NTRK2: variants seen among roughly 807,000 people sequenced by gnomAD.
NTRK2 encodes BDNF/NT-3 growth factors receptor.
In NTRK2, 13 loss-of-function variants were observed where a neutral mutation model predicts 94.5. That is an observed-to-expected ratio of 0.14 (90% CI 0.09 to 0.22). The LOEUF is 0.22. Ranked by LOEUF, NTRK2 falls within the 10% of genes least tolerant of loss-of-function variation. The probability of loss-of-function intolerance (pLI) is 1.00; values close to 1 mark genes in which losing one functional copy is unlikely to be tolerated. For missense variants in NTRK2, 639 were observed against 1,071.2 expected (o/e 0.60, Z 5.63); for synonymous variants, 372 against 407.4 (o/e 0.91, Z 1.05).
intron 12 of NTRK2, among the ~76,000 whole-genome samples, chr9:84,802,692 G>T (rs943516485): frequency 6.6e-6 from 1 of 152,196 alleles, no homozygotes; most frequent in African/African-American, 2.4e-5. Flanking sequence ...CCTGGGATTG[G>T]CTTTGCACTT....
At chr9:85,004,771 A>G (rs1287882247) in intron 17 of NTRK2, among the ~76,000 whole-genome samples, 7 of 152,210 alleles carry the variant, frequency 4.6e-5, no homozygotes, top group South Asian at 4.1e-4. Flanking sequence ...AGACAGCTCA[A>G]ATTGTTTCAG....
At chr9:84,867,808 G>T (rs7873546) in intron 14 of NTRK2, among the ~76,000 whole-genome samples, 7,043 of 152,194 alleles carry the variant, frequency 0.046, 216 homozygotes, top group African/African-American at 0.092. Flanking sequence ...TTTAAATTTA[G>T]CCTATAGAAA....
intron 11 of NTRK2, among the ~76,000 whole-genome samples, chr9:84,750,414 A>G (rs1307294735): frequency 1.3e-5 from 2 of 152,246 alleles, no homozygotes; most frequent in East Asian, 3.8e-4. Flanking sequence ...AGAAACACAG[A>G]GAAAACCAGA....
chr9:84,967,621 C>T (rs1036932171), intron 17 of NTRK2, among the ~76,000 whole-genome samples: 7 of 152,236 alleles, frequency 4.6e-5, no homozygotes, highest in African/African-American at 1.2e-4. Context: ...GAGAACATGA[C>T]GCTGGGCTCC....
chr9:84,922,351 G>A (rs1013004565), intron 14 of NTRK2, among the ~76,000 whole-genome samples: 1 of 152,136 alleles, frequency 6.6e-6, no homozygotes, highest in Non-Finnish European at 1.5e-5. Context: ...TCTTCCAACC[G>A]CAAACCCTAT....
chr9:84,783,694 A>G (rs2067837514), intron 12 of NTRK2, among the ~76,000 whole-genome samples: 1 of 152,094 alleles, frequency 6.6e-6, no homozygotes, highest in Non-Finnish European at 1.5e-5. Flanking sequence ...TTCCAGGTAG[A>G]AATTTTATGT....
intron 13 of NTRK2, among the ~76,000 whole-genome samples, chr9:84,866,089 G>A (rs1044925582): frequency 2.0e-5 from 3 of 152,202 alleles, no homozygotes; most frequent in Non-Finnish European, 4.4e-5. Context: ...AAGACACCAA[G>A]TTATGACTAT....
chr9:84,987,596 C>T (rs1352480324), intron 17 of NTRK2, among the ~76,000 whole-genome samples: 1 of 152,062 alleles, frequency 6.6e-6, no homozygotes, highest in African/African-American at 2.4e-5. Flanking sequence ...TCAGTGACAC[C>T]AAGTTGAACA....
chr9:84,850,126 A>C (rs988061635), intron 12 of NTRK2, among the ~76,000 whole-genome samples: 5 of 152,198 alleles, frequency 3.3e-5, no homozygotes, highest in Non-Finnish European at 5.9e-5. Flanking sequence ...GCTTCATGAT[A>C]AGAGTAACTT....
chr9:84,694,084 A>C (rs1188047897), intron 2 of NTRK2, among the ~76,000 whole-genome samples: 3 of 152,206 alleles, frequency 2.0e-5, no homozygotes, highest in African/African-American at 7.2e-5. Flanking sequence ...TTTATCGTGA[A>C]GGTGCTGGAT....
chr9:84,973,985 C>T (rs373668355), intron 17 of NTRK2, among the ~76,000 whole-genome samples: 335 of 71,692 alleles, frequency 4.7e-3, no homozygotes, highest in African/African-American at 0.02. Context: ...TGTTTAACCC[C>T]CATGAATCAT....
chr9:84,899,096 T>C (rs1376888815), intron 14 of NTRK2, among the ~76,000 whole-genome samples: 1 of 152,210 alleles, frequency 6.6e-6, no homozygotes, highest in Non-Finnish European at 1.5e-5. Context: ...CACTGAAATA[T>C]GGGAGCTGAG....
intron 14 of NTRK2, chr9:84,872,097 A>G (rs976357922): frequency 7.5e-7 from 1 of 1,332,656 alleles, no homozygotes; most frequent in Non-Finnish European, 9.7e-7. Flanking sequence ...TGAGGAGCTC[A>G]GCAACATCAA....
At chr9:84,742,061 T>G in intron 10 of NTRK2, 134 bp downstream of exon 10, 1 of 776,138 alleles carries the variant, frequency 1.3e-6, no homozygotes, top group Admixed American at 2.4e-5. Flanking sequence ...AAAATAGTAT[T>G]TCAAAAAATC....
At chr9:84,847,624 C>T (rs1190718438) in intron 12 of NTRK2, among the ~76,000 whole-genome samples, 1 of 152,280 alleles carries the variant, frequency 6.6e-6, no homozygotes, top group East Asian at 1.9e-4. Context: ...AACCTTCGAA[C>T]ACACATCATA....
intron 11 of NTRK2, among the ~76,000 whole-genome samples, chr9:84,751,668 C>T (rs2064628013): frequency 6.6e-6 from 1 of 152,172 alleles, no homozygotes; most frequent in Non-Finnish European, 1.5e-5. Flanking sequence ...ACCTCTCTTT[C>T]TCTCTCTCCT....
intron 12 of NTRK2, among the ~76,000 whole-genome samples, chr9:84,762,116 A>G (rs2132661692): frequency 6.6e-6 from 1 of 152,172 alleles, no homozygotes. Flanking sequence ...ATCTTCCACC[A>G]CAATTGTGAG....
At chr9:84,919,609 A>G (rs1160375428) in intron 14 of NTRK2, among the ~76,000 whole-genome samples, 1 of 152,172 alleles carries the variant, frequency 6.6e-6, no homozygotes, top group Non-Finnish European at 1.5e-5. Flanking sequence ...GCTCAAATAA[A>G]ATTGCATGTG....
chr9:84,899,710 G>C (rs1002853174), intron 14 of NTRK2, among the ~76,000 whole-genome samples: 4 of 152,194 alleles, frequency 2.6e-5, no homozygotes, highest in African/African-American at 9.7e-5. Context: ...GGGTGATAGA[G>C]GGAAGAAGAG....
Sources: gnomAD v4.1 joint callset for allele counts (sites outside exome capture counted in the v4.1 genomes callset) on GRCh38, gnomAD v4.1.1 for gene constraint, MANE v1.5 for transcripts, NCBI Gene and HGNC (gene_info 2026-07-23, HGNC 2026-07-21) for gene names.